Variants in DLG2 observed in about 807,000 individuals in gnomAD.
DLG2 encodes discs large MAGUK scaffold protein 2.
In DLG2, 45 loss-of-function variants were observed where a neutral mutation model predicts 132.5. The ratio of observed to expected loss-of-function variants is 0.34; its 90% CI spans 0.27 to 0.44. The LOEUF (loss-of-function observed/expected upper bound fraction) is 0.44, where lower values mean the gene tolerates loss of function less well. DLG2 is among the 20% of genes least tolerant of loss of function. The pLI, the probability that DLG2 is intolerant of heterozygous loss-of-function variation, is 1.00. For missense variants in DLG2, 1,045 were observed against 1,196.9 expected, an observed-to-expected ratio of 0.87 and a Z score of 1.87; for synonymous variants, 424 against 419.6, an observed-to-expected ratio of 1.01 and a Z score of -0.13.
At chr11:84,894,543 G>A (rs780783979) in intron 6 of DLG2, among the ~76,000 whole-genome samples, 1 of 151,972 alleles carries the variant, frequency 6.6e-6, no homozygotes, top group Non-Finnish European at 1.5e-5. Context: ...AGTAAAGAAG[G>A]GCTTTCATTA....
chr11:84,332,508 CTTTTTT>C (rs34149557), intron 7 of DLG2, among the ~76,000 whole-genome samples: 8 of 78,292 alleles, frequency 1.0e-4, no homozygotes, highest in South Asian at 1.1e-3. Flanking sequence ...CCGCGCCTGG[CTTTTTT>C]TTTTTTTTTT....
At chr11:84,767,917 A>G (rs2068665740) in intron 6 of DLG2, among the ~76,000 whole-genome samples, 1 of 152,058 alleles carries the variant, frequency 6.6e-6, no homozygotes, top group Non-Finnish European at 1.5e-5. Flanking sequence ...AACTCTGGAT[A>G]CATGTATTAT....
intron 19 of DLG2, among the ~76,000 whole-genome samples, chr11:83,566,735 G>A (rs1322944204): frequency 1.3e-5 from 2 of 149,200 alleles, no homozygotes. Context: ...GTGTGTGTGT[G>A]TGTGTGTGTG....
At chr11:84,213,588 G>A (rs190215039) in intron 8 of DLG2, among the ~76,000 whole-genome samples, 1,859 of 152,198 alleles carry the variant, frequency 0.012, 44 homozygotes, top group African/African-American at 0.042. Context: ...GGGAGGCCGA[G>A]GCGGGTGGAT....
intron 14 of DLG2, among the ~76,000 whole-genome samples, chr11:83,935,478 C>G (rs575111134): frequency 2.0e-5 from 3 of 152,138 alleles, no homozygotes; most frequent in Non-Finnish European, 4.4e-5. Context: ...TTCTCTTATA[C>G]TGAACTTTAA....
chr11:84,961,926 T>A (rs537726979), intron 6 of DLG2, among the ~76,000 whole-genome samples: 133 of 152,302 alleles, frequency 8.7e-4, no homozygotes, highest in African/African-American at 3.2e-3. Flanking sequence ...TAATCCCTCC[T>A]TAGCCCCACC....
chr11:85,301,308 C>T (rs1183099860), intron 3 of DLG2, among the ~76,000 whole-genome samples: 5 of 152,198 alleles, frequency 3.3e-5, no homozygotes, highest in Middle Eastern at 3.4e-3. Context: ...ATTCTGAACT[C>T]GGTTTTTAGG....
intron 4 of DLG2, among the ~76,000 whole-genome samples, chr11:85,174,589 A>C (rs2079091386): frequency 6.6e-6 from 1 of 152,202 alleles, no homozygotes; most frequent in Non-Finnish European, 1.5e-5. Context: ...CCCCAAAGTT[A>C]GCAGAAGACA....
intron 3 of DLG2, among the ~76,000 whole-genome samples, chr11:85,506,953 T>A (rs1273076092): frequency 6.6e-6 from 1 of 152,230 alleles, no homozygotes; most frequent in Non-Finnish European, 1.5e-5. Context: ...GTCGAATTGA[T>A]CCCTTTACCA....
At chr11:85,113,884 T>A (rs1323591137) in intron 5 of DLG2, among the ~76,000 whole-genome samples, 1 of 151,996 alleles carries the variant, frequency 6.6e-6, no homozygotes, top group Non-Finnish European at 1.5e-5. Context: ...TCATTTATCA[T>A]TCTGATATAC....
In DLG2 at chr11:84,621,533, G is replaced by T. The variant is rs575305895; in HGVS notation, c.358-86802C>A. Among the ~76,000 whole-genome samples, 3 of 152,220 alleles carry T rather than the reference G, an allele frequency of 2.0e-5. No individual in the cohort carries two copies. In the East Asian group the frequency reaches 5.8e-4, roughly 29 times the overall value. ...CGCCTCATTTGTTCACTCGCTAATT[G>T]AATAAAATATTTATAGGAAGTCAGA... is the stretch of plus-strand genomic sequence containing the variant. On this transcript the variant is annotated intron_variant, in intron 6 of 27. Coordinates refer to ENST00000376104, the MANE Select transcript of DLG2 (RefSeq NM_001142699.3).
chr11:83,873,234 T>A (rs1436999292), intron 16 of DLG2, among the ~76,000 whole-genome samples: 1 of 152,016 alleles, frequency 6.6e-6, no homozygotes, highest in Non-Finnish European at 1.5e-5. Flanking sequence ...GAATCAGTGT[T>A]CAGAAAAAAA....
At chr11:85,427,859 A>G (rs545601000) in intron 3 of DLG2, among the ~76,000 whole-genome samples, 1 of 152,360 alleles carries the variant, frequency 6.6e-6, no homozygotes, top group African/African-American at 2.4e-5. Flanking sequence ...AAGACCCATC[A>G]GTGTGCTGTA....
At chr11:83,541,077 T>C (rs183505251) in intron 20 of DLG2, among the ~76,000 whole-genome samples, 26 of 152,254 alleles carry the variant, frequency 1.7e-4, no homozygotes, top group Admixed American at 1.5e-3. Flanking sequence ...ACTAAATATC[T>C]TGGTGGCTAT....
chr11:84,428,928 C>T (rs950147966), intron 7 of DLG2, among the ~76,000 whole-genome samples: 1 of 152,178 alleles, frequency 6.6e-6, no homozygotes. Context: ...GAAGAAGACT[C>T]TGGCTTTATG....
intron 16 of DLG2, among the ~76,000 whole-genome samples, chr11:83,851,045 C>T (rs74679278): frequency 0.069 from 10,478 of 151,932 alleles, 445 homozygotes; most frequent in Middle Eastern, 0.088. Context: ...GGCGTGGTGG[C>T]GGGCGCCTGT....
intron 7 of DLG2, among the ~76,000 whole-genome samples, chr11:84,405,177 A>C (rs550872136): frequency 6.6e-6 from 1 of 152,306 alleles, no homozygotes; most frequent in African/African-American, 2.4e-5. Flanking sequence ...TTCAATTACA[A>C]AAAGAGATCA....
chr11:84,624,837 C>T (rs1419868699), intron 6 of DLG2, among the ~76,000 whole-genome samples: 2 of 141,290 alleles, frequency 1.4e-5, no homozygotes, highest in Non-Finnish European at 1.5e-5. Context: ...CTGAGAGTTA[C>T]CTCTCAGAAG....
At chr11:84,721,244 G>A (rs904008403) in intron 6 of DLG2, among the ~76,000 whole-genome samples, 1 of 152,210 alleles carries the variant, frequency 6.6e-6, no homozygotes, top group Non-Finnish European at 1.5e-5. Flanking sequence ...GAAATCTGGG[G>A]TAGAAAACAG....
Sources: gnomAD v4.1 joint callset for allele counts (sites outside exome capture counted in the v4.1 genomes callset) on GRCh38, gnomAD v4.1.1 for gene constraint, MANE v1.5 for transcripts, NCBI Gene and HGNC (gene_info 2026-07-23, HGNC 2026-07-21) for gene names.